Variants in AGBL1 observed in about 807,000 individuals in gnomAD.
The protein encoded by AGBL1 is AGBL carboxypeptidase 1.
Under a neutral mutation model 118.9 loss-of-function variants are expected in AGBL1, and 130 were observed. That is an observed-to-expected ratio of 1.09 (90% confidence interval 0.95 to 1.26). The LOEUF is 1.26. AGBL1 is among the 50% of genes most tolerant of loss of function. The pLI, the probability that AGBL1 is intolerant of heterozygous loss-of-function variation, is 0.00. For synonymous variants in AGBL1, 555 were observed against 478.9 expected, an observed-to-expected ratio of 1.16 and a Z score of -2.08; for missense variants, 1,584 against 1,298.1, an observed-to-expected ratio of 1.22 and a Z score of -3.38.
chr15:86,285,992 T>C (rs184234400), intron 16 of AGBL1, among the ~76,000 whole-genome samples: 2 of 152,126 alleles, frequency 1.3e-5, no homozygotes, highest in African/African-American at 2.4e-5. Flanking sequence ...ATCTAGATTT[T>C]ATTTTTTTTT....
At chr15:86,768,671 C>G (rs1440445161) in intron 22 of AGBL1, among the ~76,000 whole-genome samples, 1 of 151,878 alleles carries the variant, frequency 6.6e-6, no homozygotes, top group African/African-American at 2.4e-5. Context: ...CACTATCTAC[C>G]ACATTGCATT....
chr15:86,710,911 AAT>A (rs1354547023), intron 22 of AGBL1, among the ~76,000 whole-genome samples: 1 of 152,206 alleles, frequency 6.6e-6, no homozygotes. Context: ...GGATCTATAA[AAT>A]AAGAATCATA....
chr15:86,180,452 C>A (rs911717853), intron 5 of AGBL1, among the ~76,000 whole-genome samples: 5 of 152,034 alleles, frequency 3.3e-5, no homozygotes, highest in Non-Finnish European at 4.4e-5. Context: ...ATAAATGGTG[C>A]TGGAAAATCT....
chr15:86,713,095 A>G (rs1002508546), intron 22 of AGBL1, among the ~76,000 whole-genome samples: 9 of 152,094 alleles, frequency 5.9e-5, no homozygotes, highest in African/African-American at 1.9e-4. Context: ...CACAGGCATT[A>G]CTGGACCCTA....
intron 22 of AGBL1, among the ~76,000 whole-genome samples, chr15:86,800,483 C>G (rs370321066): frequency 6.6e-6 from 1 of 151,942 alleles, no homozygotes; most frequent in Non-Finnish European, 1.5e-5. Context: ...AATATGGAAC[C>G]TAGGAATCCT....
At chr15:86,204,919 A>T (rs559728789) in intron 5 of AGBL1, among the ~76,000 whole-genome samples, 1 of 152,206 alleles carries the variant, frequency 6.6e-6, no homozygotes, top group East Asian at 1.9e-4. Flanking sequence ...TTGGCACTTC[A>T]TTGTCACCCA....
At chr15:86,952,496 A>G (rs538266461) in intron 23 of AGBL1, among the ~76,000 whole-genome samples, 1 of 152,226 alleles carries the variant, frequency 6.6e-6, no homozygotes, top group South Asian at 2.1e-4. Flanking sequence ...CTACTTGTAA[A>G]AAAATTTGTA....
rs777544442 is a variant in AGBL1 at position 86,909,707 on chromosome 15, G to C, written c.*2413G>C. On this transcript the variant is annotated 3_prime_UTR_variant, in exon 23 of 23. Transcript: ENST00000614907. ...CTCTTAAATAAAGGCTAGCATAATG[G>C]TGCTGATTTCTCTTTGCTTTGAGGA... The C allele has an allele frequency of 2.0e-5, 3 of 152,158 alleles. No individual in the cohort carries two copies. 9.4% of individuals were successfully genotyped at this position (152,158 alleles called of 1,614,324 possible). A position where few individuals can be genotyped will look rare whatever the true frequency, so the allele number is the denominator to read the frequency against.
chr15:86,876,314 C>T (rs563102704), intron 22 of AGBL1, among the ~76,000 whole-genome samples: 3 of 152,052 alleles, frequency 2.0e-5, no homozygotes, highest in African/African-American at 7.2e-5. Flanking sequence ...GGACTCCAGA[C>T]AGATGAATAG....
At chr15:86,888,160 G>A (rs1168283831) in intron 22 of AGBL1, among the ~76,000 whole-genome samples, 1 of 151,840 alleles carries the variant, frequency 6.6e-6, no homozygotes, top group East Asian at 1.9e-4. Flanking sequence ...GCAGGGAAAC[G>A]AGAACTACAT....
chr15:86,951,565 CA>C (rs1460884742), intron 23 of AGBL1, among the ~76,000 whole-genome samples: 12 of 152,248 alleles, frequency 7.9e-5, no homozygotes, highest in Non-Finnish European at 1.2e-4. Context: ...TGCAAAAGAT[CA>C]TATTAACTGA....
chr15:86,447,755 T>C (rs2082140855), intron 18 of AGBL1, among the ~76,000 whole-genome samples: 1 of 152,148 alleles, frequency 6.6e-6, no homozygotes, highest in African/African-American at 2.4e-5. Flanking sequence ...GCGCGGAATA[T>C]CTGGAGTTGA....
chr15:86,647,807 G>A (rs1358270794), intron 21 of AGBL1, among the ~76,000 whole-genome samples: 1 of 152,186 alleles, frequency 6.6e-6, no homozygotes, highest in Non-Finnish European at 1.5e-5. Context: ...AGAATGAAAG[G>A]AAAAGAGTTT....
chr15:86,785,747 G>A (rs963811621), intron 22 of AGBL1, among the ~76,000 whole-genome samples: 131 of 152,266 alleles, frequency 8.6e-4, no homozygotes, highest in African/African-American at 3.0e-3. Context: ...CAGCAATGAA[G>A]CAGAAGTTAG....
chr15:86,768,554 C>G (rs2078128514), intron 22 of AGBL1, among the ~76,000 whole-genome samples: 1 of 151,720 alleles, frequency 6.6e-6, no homozygotes, highest in South Asian at 2.1e-4. Flanking sequence ...ATGCCTTTAC[C>G]CTGACCTTTG....
intron 1 of AGBL1, chr15:86,105,112 G>A (rs1896975515): frequency 6.6e-6 from 1 of 152,310 alleles, no homozygotes; most frequent in Non-Finnish European, 1.5e-5. Flanking sequence ...TCTATTCGAA[G>A]TGTAATAATA....
intron 6 of AGBL1, among the ~76,000 whole-genome samples, chr15:86,225,597 G>T (rs1322424102): frequency 6.6e-6 from 1 of 152,128 alleles, no homozygotes; most frequent in Non-Finnish European, 1.5e-5. Flanking sequence ...TAATTACGTT[G>T]GGAGTCAATT....
intron 17 of AGBL1, among the ~76,000 whole-genome samples, chr15:86,343,243 A>C (rs2080488550): frequency 6.6e-6 from 1 of 152,164 alleles, no homozygotes; most frequent in East Asian, 1.9e-4. Flanking sequence ...AAGATAATAC[A>C]AAAGATTAGA....
chr15:86,665,586 G>A (rs1409107789), intron 21 of AGBL1, among the ~76,000 whole-genome samples: 1 of 151,746 alleles, frequency 6.6e-6, no homozygotes, highest in Non-Finnish European at 1.5e-5. Context: ...GGTATTTCAG[G>A]TTATTTAGAT....
Sources: allele counts gnomAD v4.1 joint callset (sites outside exome capture counted in the v4.1 genomes callset), GRCh38; gene constraint gnomAD v4.1.1; transcripts MANE v1.5; gene names NCBI Gene and HGNC (gene_info 2026-07-23, HGNC 2026-07-21).